TRAPPC9: variants seen among roughly 807,000 people sequenced by gnomAD.
TRAPPC9 encodes the protein IKK2 binding protein.
TRAPPC9 carries 83 observed loss-of-function variants against 124.0 expected under a neutral mutation model. The ratio of observed to expected loss-of-function variants is 0.67; its 90% CI spans 0.56 to 0.80. The LOEUF (loss-of-function observed/expected upper bound fraction) is 0.80, where lower values mean the gene tolerates loss of function less well. TRAPPC9 is among the 30% of genes least tolerant of loss of function. The pLI is 0.00. For missense variants in TRAPPC9, 1,302 were observed against 1,508.3 expected (o/e 0.86, Z 2.27); for synonymous variants, 638 against 617.5 (o/e 1.03, Z -0.49).
At chr8:139,895,991 ACC>A (rs1830644987) in intron 20 of TRAPPC9, among the ~76,000 whole-genome samples, 1 of 152,230 alleles carries the variant, frequency 6.6e-6, no homozygotes, top group Non-Finnish European at 1.5e-5. Flanking sequence ...GTGAGTAATT[ACC>A]AAGTTGCCAA....
intron 17 of TRAPPC9, among the ~76,000 whole-genome samples, chr8:140,171,130 T>C (rs2061956966): frequency 6.6e-6 from 1 of 152,202 alleles, no homozygotes; most frequent in Non-Finnish European, 1.5e-5. Flanking sequence ...TTAAATGAGC[T>C]GATAAATGAC....
intron 19 of TRAPPC9, among the ~76,000 whole-genome samples, chr8:139,974,135 C>T (rs970977035): frequency 4.6e-5 from 7 of 152,132 alleles, no homozygotes; most frequent in African/African-American, 1.7e-4. Flanking sequence ...CTCTCCTGTG[C>T]CTGCCACGGT....
At chr8:140,387,359 C>A (rs188211137) in intron 7 of TRAPPC9, among the ~76,000 whole-genome samples, 2,191 of 152,148 alleles carry the variant, frequency 0.014, 45 homozygotes, top group African/African-American at 0.049. Flanking sequence ...GCAACAAAAG[C>A]CAAAATTGAC....
At chr8:139,986,466 TA>T (rs1837244338) in intron 19 of TRAPPC9, among the ~76,000 whole-genome samples, 1 of 152,168 alleles carries the variant, frequency 6.6e-6, no homozygotes, top group African/African-American at 2.4e-5. Context: ...CAATTTCTTC[TA>T]AAAAATTTCA....
At chr8:139,969,434 C>T (rs2131601108) in intron 19 of TRAPPC9, among the ~76,000 whole-genome samples, 1 of 152,380 alleles carries the variant, frequency 6.6e-6, no homozygotes, top group East Asian at 1.9e-4. Flanking sequence ...CCAAGCAAGG[C>T]AGGTCTGACA....
At chr8:139,894,449 CTCAGCCCCACTGCT>C (rs910477716) in intron 20 of TRAPPC9, among the ~76,000 whole-genome samples, 57 of 152,264 alleles carry the variant, frequency 3.7e-4, no homozygotes, top group African/African-American at 1.3e-3. Context: ...GTGGCCTGGG[CTCAGCCCCACTGCT>C]GCGGTGCCCT....
At chr8:139,951,446 C>T (rs1364363222) in intron 19 of TRAPPC9, among the ~76,000 whole-genome samples, 4 of 152,244 alleles carry the variant, frequency 2.6e-5, no homozygotes, top group Admixed American at 2.6e-4. Context: ...CCGGCCTTTG[C>T]CACTTTCCCC....
chr8:139,823,854 A>G, intron 21 of TRAPPC9, among the ~76,000 whole-genome samples: 1 of 152,320 alleles, frequency 6.6e-6, no homozygotes, highest in South Asian at 2.1e-4. Flanking sequence ...TCGCGGCCAC[A>G]TGATGGTGTT....
intron 19 of TRAPPC9, among the ~76,000 whole-genome samples, chr8:139,963,806 G>GATGCTTATT (rs1013610212): frequency 2.1e-5 from 3 of 145,064 alleles, no homozygotes; most frequent in African/African-American, 7.7e-5. Flanking sequence ...CAAACACAAG[G>GATGCTTATT]ATGCTTATTT....
chr8:139,893,257 A>C (rs1830458114), intron 20 of TRAPPC9, among the ~76,000 whole-genome samples: 2 of 152,000 alleles, frequency 1.3e-5, no homozygotes, highest in African/African-American at 4.8e-5. Flanking sequence ...CCACATCCTC[A>C]CGGCGTGCCG....
intron 17 of TRAPPC9, chr8:140,040,363 T>C (rs1168409836): frequency 6.6e-6 from 1 of 152,208 alleles, no homozygotes; most frequent in African/African-American, 2.4e-5. Flanking sequence ...AGTGGTCAAG[T>C]GGCAAGGTCA....
intron 9 of TRAPPC9, among the ~76,000 whole-genome samples, chr8:140,328,974 G>A (rs1385615896): frequency 6.6e-6 from 1 of 152,154 alleles, no homozygotes; most frequent in African/African-American, 2.4e-5. Context: ...GGGCAAGCTC[G>A]TCGGAAGACA....
Position 140,161,149 on chromosome 8 carries a change from C to T in TRAPPC9, c.2556+60310G>A, listed in dbSNP as rs887127547. 3.9e-5 allele frequency among the ~76,000 whole-genome samples: 6 copies of T among 152,278 alleles called. No homozygotes were observed. In the East Asian group the frequency reaches 9.6e-4, roughly 24 times the overall value. Reference sequence around the variant, plus strand: ...AGCAAGAATGCCCATCTCCCCCAACCCTTCAGCAGGGGAGGAGAACACATC... The same window carrying T: ...AGCAAGAATGCCCATCTCCCCCAACTCTTCAGCAGGGGAGGAGAACACATC... On this transcript the variant is annotated intron_variant, in intron 17 of 22. Transcript: ENST00000438773.
rs1390574191 is a variant in TRAPPC9 at position 140,300,548 on chromosome 8, C to T, written c.1689G>A (p.Gln563=). The T allele has an allele frequency of 5.6e-6, 9 of 1,614,130 alleles. No homozygotes were observed. Among genetic ancestry groups the T allele is most frequent in the Non-Finnish European group, 5.1e-6 (6 of 1,180,044 alleles). The change falls in exon 11 of 23, where the codon CAG becomes CAA. Residue 563 remains glutamine (Q), a synonymous_variant. Coordinates refer to ENST00000438773, the MANE Select transcript of TRAPPC9 (RefSeq NM_001160372.4). ...RPHKMKSLLG[Q]NVSTKSPFIY... is the part of the protein sequence containing the mutation. ...TGAAAGGACTTTTGGTTGACACGTT[C>T]TGACCCAGCAAGCTTTTCATTTTGT...
chr8:140,364,605 C>G (rs905926938), intron 8 of TRAPPC9, among the ~76,000 whole-genome samples: 2 of 151,736 alleles, frequency 1.3e-5, no homozygotes, highest in African/African-American at 4.8e-5. Context: ...TTTTTCGAGA[C>G]GGAGTCTCGC....
chr8:139,994,073 C>A (rs1263711714), intron 18 of TRAPPC9, among the ~76,000 whole-genome samples: 1 of 152,180 alleles, frequency 6.6e-6, no homozygotes, highest in Non-Finnish European at 1.5e-5. Flanking sequence ...TAAAAAGTTA[C>A]TTTTAAAGTC....
intron 21 of TRAPPC9, among the ~76,000 whole-genome samples, chr8:139,857,999 A>G (rs1032205217): frequency 6.6e-6 from 1 of 152,248 alleles, no homozygotes; most frequent in East Asian, 1.9e-4. Flanking sequence ...AGGAAGAGAA[A>G]GGAGGCTTCA....
intron 17 of TRAPPC9, among the ~76,000 whole-genome samples, chr8:140,076,017 C>T (rs893683837): frequency 2.4e-4 from 37 of 152,340 alleles, no homozygotes; most frequent in Non-Finnish European, 5.0e-4. Context: ...GAAGCCCTTG[C>T]TTTCCTGCAG....
chr8:140,199,172 A>G (rs2062731038), intron 17 of TRAPPC9, among the ~76,000 whole-genome samples: 1 of 152,138 alleles, frequency 6.6e-6, no homozygotes, highest in African/African-American at 2.4e-5. Flanking sequence ...GTGAACATGC[A>G]TTTGAGTCAC....
Sources: gnomAD v4.1 joint callset for allele counts (sites outside exome capture counted in the v4.1 genomes callset) on GRCh38, gnomAD v4.1.1 for gene constraint, MANE v1.5 for transcripts, NCBI Gene and HGNC (gene_info 2026-07-23, HGNC 2026-07-21) for gene names.